The following CADM2 variants were observed in gnomAD, a reference collection of about 807,000 sequenced individuals.
CADM2 encodes cell adhesion molecule 2.
CADM2 carries 12 observed loss-of-function variants against 49.8 expected under a neutral mutation model. That is an observed-to-expected ratio of 0.24 (90% CI 0.15 to 0.39). The LOEUF (loss-of-function observed/expected upper bound fraction) is 0.39. CADM2 is among the 10% of genes least tolerant of loss of function. The probability of loss-of-function intolerance (pLI) is 1.00; values close to 1 mark genes in which losing one functional copy is unlikely to be tolerated. For synonymous variants in CADM2, 214 were observed against 175.4 expected, an observed-to-expected ratio of 1.22 and a Z score of -1.74; for missense variants, 378 against 492.3, an observed-to-expected ratio of 0.77 and a Z score of 2.20.
chr3:85,776,221 A>C (rs930091959), intron 2 of CADM2, among the ~76,000 whole-genome samples: 3 of 152,014 alleles, frequency 2.0e-5, no homozygotes, highest in African/African-American at 7.2e-5. Context: ...TTCATTGAGA[A>C]AAATACATCT....
intron 2 of CADM2, among the ~76,000 whole-genome samples, chr3:85,743,591 A>T (rs1490262374): frequency 6.6e-6 from 1 of 152,118 alleles, no homozygotes; most frequent in African/African-American, 2.4e-5. Context: ...GGCTAATTTA[A>T]TCTATCCAAT....
intron 1 of CADM2, among the ~76,000 whole-genome samples, chr3:85,327,609 A>T (rs962417701): frequency 2.7e-5 from 4 of 149,496 alleles, no homozygotes; most frequent in African/African-American, 9.9e-5. Context: ...ACACACATAA[A>T]CTATATGTGT....
intron 1 of CADM2, among the ~76,000 whole-genome samples, chr3:85,503,543 G>T (rs756830989): frequency 6.6e-6 from 1 of 152,056 alleles, no homozygotes; most frequent in Non-Finnish European, 1.5e-5. Context: ...TTATTTCTTT[G>T]AAGAATTGTG....
intron 1 of CADM2, among the ~76,000 whole-genome samples, chr3:85,421,030 A>G (rs1017032846): frequency 5.3e-5 from 8 of 152,190 alleles, no homozygotes; most frequent in African/African-American, 1.7e-4. Context: ...TCTTCACCCA[A>G]AGCACAGTGT....
At chr3:85,897,521 G>A (rs1020302546) in intron 5 of CADM2, among the ~76,000 whole-genome samples, 7 of 150,332 alleles carry the variant, frequency 4.7e-5, no homozygotes, top group South Asian at 2.1e-4. Flanking sequence ...CACCCGCCTC[G>A]GCCTCCCAAA....
intron 1 of CADM2, among the ~76,000 whole-genome samples, chr3:85,305,006 C>A (rs780765944): frequency 6.6e-6 from 1 of 151,524 alleles, no homozygotes; most frequent in African/African-American, 2.4e-5. Flanking sequence ...GTAAAATTAC[C>A]ATAGCAATTG....
At chr3:85,231,308 T>C (rs2042282622) in intron 1 of CADM2, among the ~76,000 whole-genome samples, 1 of 152,202 alleles carries the variant, frequency 6.6e-6, no homozygotes, top group Non-Finnish European at 1.5e-5. Context: ...TGAAGCTTTG[T>C]AGTGAAAGCA....
At chr3:85,936,048 G>A (rs1333534910) in intron 7 of CADM2, among the ~76,000 whole-genome samples, 191 bp downstream of exon 7, 8 of 151,608 alleles carry the variant, frequency 5.3e-5, no homozygotes, top group African/African-American at 1.7e-4. Context: ...TTGTCATCTA[G>A]TGAAGTTTCT....
intron 1 of CADM2, among the ~76,000 whole-genome samples, chr3:85,438,557 T>G (rs1281758732): frequency 6.6e-6 from 1 of 152,172 alleles, no homozygotes; most frequent in African/African-American, 2.4e-5. Context: ...ATTTGTGAAA[T>G]AAAGTATTTA....
chr3:85,251,446 G>T (rs1230232412), intron 1 of CADM2, among the ~76,000 whole-genome samples: 4 of 151,780 alleles, frequency 2.6e-5, no homozygotes, highest in South Asian at 2.1e-4. Flanking sequence ...ACAAAAAAGA[G>T]ATTTCAATTA....
At chr3:85,774,281 C>A (rs1336166726) in intron 2 of CADM2, among the ~76,000 whole-genome samples, 2 of 151,620 alleles carry the variant, frequency 1.3e-5, no homozygotes, top group African/African-American at 4.8e-5. Flanking sequence ...TATCGGTGTT[C>A]TTAAATTTAA....
intron 1 of CADM2, among the ~76,000 whole-genome samples, chr3:85,578,423 G>GAA (rs2062706366): frequency 6.6e-6 from 1 of 152,220 alleles, no homozygotes; most frequent in African/African-American, 2.4e-5. Context: ...TGATATGAGA[G>GAA]AGATGTTTTA....
At chr3:85,508,287 A>C (rs1427132837) in intron 1 of CADM2, among the ~76,000 whole-genome samples, 1 of 152,136 alleles carries the variant, frequency 6.6e-6, no homozygotes, top group Non-Finnish European at 1.5e-5. Context: ...TTTCCCCCCC[A>C]AAATAACCTA....
intron 1 of CADM2, among the ~76,000 whole-genome samples, chr3:85,534,583 T>C (rs913139692): frequency 1.3e-5 from 2 of 152,170 alleles, no homozygotes; most frequent in Admixed American, 1.3e-4. Context: ...TACTATACAG[T>C]GGCAGAGTTG....
chr3:85,523,789 G>T (rs1244726284), intron 1 of CADM2, among the ~76,000 whole-genome samples: 1 of 151,542 alleles, frequency 6.6e-6, no homozygotes, highest in Non-Finnish European at 1.5e-5. Context: ...GAACAATATG[G>T]GGTCTATAAT....
At chr3:85,956,189 T>C (rs946427181) in intron 7 of CADM2, among the ~76,000 whole-genome samples, 35 of 151,612 alleles carry the variant, frequency 2.3e-4, no homozygotes, top group Admixed American at 1.6e-3. Context: ...GCTCCTACTC[T>C]TTTTTCAGCC....
At chr3:84,966,020 T>C (rs1312520055) in intron 1 of CADM2, among the ~76,000 whole-genome samples, 1 of 152,202 alleles carries the variant, frequency 6.6e-6, no homozygotes, top group African/African-American at 2.4e-5. Flanking sequence ...CGTAGCTTTG[T>C]ATATTTTGAT....
chr3:85,261,854 C>A (rs570534587), intron 1 of CADM2, among the ~76,000 whole-genome samples: 1 of 152,104 alleles, frequency 6.6e-6, no homozygotes, highest in East Asian at 1.9e-4. Flanking sequence ...ATCTAATGCC[C>A]TTTAATGAGA....
chr3:85,532,406 T>TA (rs2061334028), intron 1 of CADM2, among the ~76,000 whole-genome samples: 1 of 152,226 alleles, frequency 6.6e-6, no homozygotes, highest in Non-Finnish European at 1.5e-5. Flanking sequence ...GTTCTTTCTT[T>TA]AAATTTTAAT....
Sources: allele counts gnomAD v4.1 joint callset (sites outside exome capture counted in the v4.1 genomes callset), GRCh38; gene constraint gnomAD v4.1.1; transcripts MANE v1.5; gene names NCBI Gene and HGNC (gene_info 2026-07-23, HGNC 2026-07-21).